RAB9B: variants seen among roughly 807,000 people sequenced by gnomAD.
RAB9B encodes RAB9B, member RAS oncogene family.
A neutral mutation model predicts 8.9 loss-of-function variants in RAB9B; 1 was observed. The observed-to-expected ratio is 0.11, with a 90% CI of 0.04 to 0.53. RAB9B has a LOEUF of 0.53. Among genes scored for constraint, RAB9B ranks in the 20% least tolerant of loss-of-function variants. RAB9B has a pLI of 0.93. For synonymous variants in RAB9B, 63 were observed against 57.0 expected (o/e 1.10, Z -0.47); for missense variants, 82 against 152.9 (o/e 0.54, Z 2.45).
chrX:103,827,173 A>G (rs960125034), intron 1 of RAB9B, 95 bp from the exon 2 acceptor site: 1 of 110,497 alleles, frequency 9.1e-6, no homozygotes, highest in Non-Finnish European at 1.9e-5. Context: ...AGAAAAAAAA[A>G]AAGAACCCAC....
At chrX:103,788,868 T>C in the RAB9B span, 15 of 285,874 alleles carry the variant, frequency 5.2e-5, no homozygotes, top group Non-Finnish European at 1.8e-5. Flanking sequence ...CATTCATAGG[T>C]TTTATGAAAA....
chrX:103,799,510 C>G, the RAB9B span, among the ~76,000 whole-genome samples: 1 of 111,880 alleles, frequency 8.9e-6, no homozygotes, highest in Middle Eastern at 4.2e-3. Flanking sequence ...GCACACACAT[C>G]TCACATTAGA....
At chrX:103,817,160 G>A in the RAB9B span, among the ~76,000 whole-genome samples, 1 of 111,815 alleles carries the variant, frequency 8.9e-6, no homozygotes, top group Non-Finnish European at 1.9e-5. Flanking sequence ...ATTCACAGTA[G>A]AAAAGACTTG....
chrX:103,809,593 C>G, the RAB9B span, among the ~76,000 whole-genome samples: 2 of 112,200 alleles, frequency 1.8e-5, no homozygotes, highest in Admixed American at 9.4e-5. Flanking sequence ...ACCCACCATG[C>G]TCGGCTTAAT....
At chrX:103,816,253 A>T in the RAB9B span, among the ~76,000 whole-genome samples, 1 of 111,259 alleles carries the variant, frequency 9.0e-6, no homozygotes, top group East Asian at 2.8e-4. Flanking sequence ...ATGGAACAGA[A>T]CAGAGGTCTC....
the RAB9B span, chrX:103,786,862 C>T: frequency 5.9e-6 from 4 of 674,820 alleles, no homozygotes; most frequent in Non-Finnish European, 9.5e-6. Context: ...TGGCTGCAGC[C>T]GAACGAGAAG....
At chrX:103,790,204 A>T in the RAB9B span, among the ~76,000 whole-genome samples, 1 of 112,412 alleles carries the variant, frequency 8.9e-6, no homozygotes, top group Non-Finnish European at 1.9e-5. Context: ...TCACTCGGAC[A>T]TATTGATGTG....
chrX:103,786,558 C>G, the RAB9B span: 1 of 1,209,366 alleles, frequency 8.3e-7, no homozygotes, highest in Admixed American at 2.2e-5. Flanking sequence ...ACACCACCGG[C>G]GCAGTCAGGC....
chrX:103,792,642 G>C, the RAB9B span: 3 of 112,551 alleles, frequency 2.7e-5, no homozygotes, highest in Non-Finnish European at 5.6e-5. Flanking sequence ...TGAGTGAATT[G>C]TTCTATTTGA....
At chrX:103,808,135 T>C in the RAB9B span, among the ~76,000 whole-genome samples, 1 of 111,681 alleles carries the variant, frequency 9.0e-6, no homozygotes, top group Admixed American at 9.5e-5. Flanking sequence ...TGTTTGCTAG[T>C]ACACAGAAGG....
At chrX:103,821,370 AT>A (rs1370505913), downstream of RAB9B, among the ~76,000 whole-genome samples, 171 of 98,358 alleles carry the variant, frequency 1.7e-3, 1 homozygote, top group Non-Finnish European at 2.2e-3. Context: ...AAAAAAAAAA[AT>A]CTGTTTCCCA....
chrX:103,810,903 G>A, the RAB9B span, among the ~76,000 whole-genome samples: 2 of 111,578 alleles, frequency 1.8e-5, no homozygotes, highest in African/African-American at 6.5e-5. Context: ...TACAGTAATG[G>A]GACTTAAATA....
At chrX:103,828,852 T>C (rs2074693192) in intron 1 of RAB9B, among the ~76,000 whole-genome samples, 1 of 112,072 alleles carries the variant, frequency 8.9e-6, no homozygotes, top group Admixed American at 9.4e-5. Context: ...TGGTTCAGTG[T>C]CAAGAGCACT....
chrX:103,819,021 G>A (rs1348387574), downstream of RAB9B, among the ~76,000 whole-genome samples: 2 of 111,062 alleles, frequency 1.8e-5, no homozygotes, highest in Non-Finnish European at 3.8e-5. Context: ...ACTCTATGTT[G>A]AGCAATATAT....
At chrX:103,788,137 C>G in the RAB9B span, among the ~76,000 whole-genome samples, 7 of 112,003 alleles carry the variant, frequency 6.2e-5, no homozygotes, top group East Asian at 2.0e-3. Context: ...GGTTTCTTCC[C>G]CGGGAAGGGA....
At chrX:103,776,606 A>G in the RAB9B span, 1 of 190,237 alleles carries the variant, frequency 5.3e-6, no homozygotes, top group Non-Finnish European at 9.7e-6. Context: ...TCCACCCTCA[A>G]TCCACATTTC....
the RAB9B span, among the ~76,000 whole-genome samples, chrX:103,796,377 C>G: frequency 1.8e-5 from 2 of 111,296 alleles, no homozygotes; most frequent in African/African-American, 6.5e-5. Context: ...GGCTGAGGAA[C>G]AAGAATGCTT....
the RAB9B span, among the ~76,000 whole-genome samples, chrX:103,807,462 A>C: frequency 2.0e-4 from 22 of 110,149 alleles, no homozygotes; most frequent in Non-Finnish European, 7.6e-5. Flanking sequence ...CCTCCTCTTC[A>C]CCTCTCTCTA....
At chrX:103,826,547 TA>T (rs760501650) in intron 2 of RAB9B, among the ~76,000 whole-genome samples, 1 of 112,211 alleles carries the variant, frequency 8.9e-6, no homozygotes, top group East Asian at 2.8e-4. Flanking sequence ...TTTAATTCCA[TA>T]ATAGCAACAT....
Sources: allele counts gnomAD v4.1 joint callset (sites outside exome capture counted in the v4.1 genomes callset), GRCh38; gene constraint gnomAD v4.1.1; transcripts MANE v1.5; gene names NCBI Gene and HGNC (gene_info 2026-07-23, HGNC 2026-07-21).